The following GCNT1 variants were observed in gnomAD, a reference collection of about 807,000 sequenced individuals.
GCNT1 encodes the protein glucosaminyl (N-acetyl) transferase 1.
In GCNT1, 16 loss-of-function variants were observed where a neutral mutation model predicts 26.2. The observed-to-expected ratio is 0.61, with a 90% confidence interval of 0.41 to 0.93. GCNT1 has a LOEUF of 0.93. Among genes scored for constraint, GCNT1 ranks in the 40% least tolerant of loss-of-function variants. The pLI, the probability that GCNT1 is intolerant of heterozygous loss-of-function variation, is 0.00. For missense variants in GCNT1, 477 were observed against 526.7 expected (o/e 0.91, Z 0.92); for synonymous variants, 183 against 190.8 (o/e 0.96, Z 0.34).
rs138302869 is a variant in GCNT1, at chr9:76,488,358, G to A, written c.-289-12558G>A. Among the ~76,000 whole-genome samples the A allele has an allele frequency of 1.8e-3, 273 of 151,984 alleles. 1 individual carries two copies. The highest frequency in any genetic ancestry group is 6.8e-3 in the Middle Eastern group (2 of 292). ...TCTTTTTCTGGAGCTCTTGTTATTC[G>A]TATGGTAGGTCTCCTGATCTAGTTC... On this transcript the variant is annotated intron_variant, in intron 2 of 3. Transcript: ENST00000376730.
chr9:76,460,597 T>C (rs1288577053), intron 2 of GCNT1, among the ~76,000 whole-genome samples: 1 of 152,232 alleles, frequency 6.6e-6, no homozygotes. Context: ...AGATTTCAGT[T>C]CTAGCAGGGA....
intron 1 of GCNT1, among the ~76,000 whole-genome samples, chr9:76,436,245 A>G (rs1377456609): frequency 2.6e-5 from 4 of 151,966 alleles, no homozygotes; most frequent in African/African-American, 7.2e-5. Context: ...ACAAATTAGG[A>G]TAGGGTTGTC....
chr9:76,393,962 G>A, the GCNT1 span: 110 of 792,304 alleles, frequency 1.4e-4, no homozygotes, highest in African/African-American at 1.4e-3. Flanking sequence ...GGGGATGCGG[G>A]AGGAGGAAGG....
At chr9:76,467,900 T>G (rs1163660230) in intron 2 of GCNT1, among the ~76,000 whole-genome samples, 2 of 106,102 alleles carry the variant, frequency 1.9e-5, no homozygotes, top group African/African-American at 9.0e-5. Context: ...TTTCAGTGTT[T>G]TTTTTTTTTT....
At chr9:76,436,598 C>CAAAAAAAAAAAA (rs1178497535) in intron 1 of GCNT1, among the ~76,000 whole-genome samples, 1 of 41,118 alleles carries the variant, frequency 2.4e-5, no homozygotes. Flanking sequence ...GATTCCATCT[C>CAAAAAAAAAAAA]AAAAAAAAAA....
the GCNT1 span, among the ~76,000 whole-genome samples, chr9:76,401,767 C>T: frequency 6.6e-5 from 10 of 152,170 alleles, no homozygotes; most frequent in African/African-American, 1.2e-4. Flanking sequence ...CAGTGACTCA[C>T]TGCTATAATC....
At chr9:76,474,992 A>G (rs1824221286) in intron 2 of GCNT1, among the ~76,000 whole-genome samples, 1 of 152,124 alleles carries the variant, frequency 6.6e-6, no homozygotes, top group Non-Finnish European at 1.5e-5. Context: ...GCTGGAGTGC[A>G]GTGGCACGAT....
chr9:76,443,922 AAAGGAAGAAAGGAAGGAAGGAAGGAAGG>A (rs1438320467), intron 1 of GCNT1, among the ~76,000 whole-genome samples: 13 of 73,634 alleles, frequency 1.8e-4, no homozygotes, highest in African/African-American at 6.7e-4. Context: ...AGAAAGGAAG[AAAGGAAGAAAGGAAGGAAGGAAGGAAGG>A]AAGGAAGGAA....
intron 2 of GCNT1, among the ~76,000 whole-genome samples, chr9:76,471,173 C>G (rs1459580307): frequency 6.6e-6 from 1 of 152,146 alleles, no homozygotes; most frequent in Non-Finnish European, 1.5e-5. Context: ...GCTGGAGTGC[C>G]CACCACCATG....
chr9:76,506,908 A>G lies in GCNT1; in HGVS notation c.*3240A>G, dbSNP rs888072501. The stretch of plus-strand genomic sequence containing the variant: ...TTCAGTTGTTCAGAAAAATAAAAAT[A>G]ATTTCTCATATTAAATACAGACGCT... On this transcript the variant is annotated 3_prime_UTR_variant, in exon 4 of 4. Transcript: ENST00000376730. The G allele has an allele frequency of 6.0e-6, 1 of 167,046 alleles. No homozygotes were observed. Among genetic ancestry groups the G allele is most frequent in the Non-Finnish European group, 1.5e-5 (1 of 68,108 alleles). The allele number at this position is 167,046 out of a possible 1,614,324, so 10.3% of individuals were successfully genotyped here.
At chr9:76,432,502 G>A (rs889101984) in intron 1 of GCNT1, among the ~76,000 whole-genome samples, 1 of 151,388 alleles carries the variant, frequency 6.6e-6, no homozygotes, top group Admixed American at 6.6e-5. Flanking sequence ...ACCATGTCTG[G>A]CTTATTTTTG....
chr9:76,500,736 CAT>C (rs1227274365), intron 2 of GCNT1, among the ~76,000 whole-genome samples, 178 bp from the exon 3 acceptor site: 1 of 151,766 alleles, frequency 6.6e-6, no homozygotes, highest in Non-Finnish European at 1.5e-5. Flanking sequence ...AATCCACAAA[CAT>C]AGAATTAGAA....
At chr9:76,480,969 T>C (rs1824406678) in intron 2 of GCNT1, among the ~76,000 whole-genome samples, 1 of 151,724 alleles carries the variant, frequency 6.6e-6, no homozygotes, top group South Asian at 2.1e-4. Context: ...CTGGGCGTGG[T>C]GTCTCACGCC....
At chr9:76,456,579 C>T (rs1823760891), upstream of GCNT1, among the ~76,000 whole-genome samples, 1 of 152,210 alleles carries the variant, frequency 6.6e-6, no homozygotes, top group African/African-American at 2.4e-5. Flanking sequence ...GCTGTGATTT[C>T]TGTTTTCTGA....
At chr9:76,478,625 C>T (rs1211356141) in intron 2 of GCNT1, among the ~76,000 whole-genome samples, 4 of 152,140 alleles carry the variant, frequency 2.6e-5, no homozygotes, top group Non-Finnish European at 5.9e-5. Flanking sequence ...TAGCATAATG[C>T]CTTCAGGATT....
chr9:76,406,499 A>C, the GCNT1 span, among the ~76,000 whole-genome samples: 1 of 149,008 alleles, frequency 6.7e-6, no homozygotes, highest in Non-Finnish European at 1.5e-5. Context: ...CCTGTCTCAA[A>C]AAAAAAAAAA....
the GCNT1 span, chr9:76,399,470 C>T: frequency 6.9e-6 from 11 of 1,582,756 alleles, no homozygotes; most frequent in Non-Finnish European, 9.4e-6. Flanking sequence ...GCCCTCTGTG[C>T]CTATTCAGCA....
chr9:76,412,467 C>G, the GCNT1 span, among the ~76,000 whole-genome samples: 3 of 152,118 alleles, frequency 2.0e-5, no homozygotes, highest in African/African-American at 7.2e-5. Flanking sequence ...AACAAATTTC[C>G]TTAGTGTTTG....
chr9:76,428,091 C>T lies in GCNT1; in HGVS notation n.38+8204C>T, dbSNP rs535291284. Among the ~76,000 whole-genome samples, 402 of 151,552 alleles carry T rather than the reference C, an allele frequency of 2.7e-3. 1 individual carries two copies. Among genetic ancestry groups the T allele is most frequent in the African/African-American group, 9.3e-3 (384 of 41,300 alleles). On this transcript the variant is annotated intron_variant and non_coding_transcript_variant, in intron 1 of 3. Transcript: ENST00000488136. ...ACCATCCTGGCTAATACGGTGAAACCCCATCTCTACTAAAAATACAAAAAA... is the reference window on the plus strand; with the variant it reads ...ACCATCCTGGCTAATACGGTGAAACTCCATCTCTACTAAAAATACAAAAAA...
Sources: allele counts gnomAD v4.1 joint callset (sites outside exome capture counted in the v4.1 genomes callset), GRCh38; gene constraint gnomAD v4.1.1; transcripts MANE v1.5; gene names NCBI Gene and HGNC (gene_info 2026-07-23, HGNC 2026-07-21).